The following SLC5A11 variants were observed in gnomAD, a reference collection of about 807,000 sequenced individuals.
SLC5A11 encodes the protein sodium/myo-inositol cotransporter 2.
SLC5A11 carries 48 observed loss-of-function variants against 69.8 expected under a neutral mutation model. That is an observed-to-expected ratio of 0.69 (90% confidence interval 0.55 to 0.87). The LOEUF (loss-of-function observed/expected upper bound fraction) is 0.87, where lower values mean the gene tolerates loss of function less well. SLC5A11 is among the 40% of genes least tolerant of loss of function. The pLI is 0.00. For synonymous variants in SLC5A11, 319 were observed against 342.4 expected (o/e 0.93, Z 0.75); for missense variants, 784 against 866.1 (o/e 0.91, Z 1.19).
At position 24,864,934 on chromosome 16, in the gene SLC5A11, AT is replaced by A. The variant is rs371036512; in HGVS notation, c.207+2264del. Among the ~76,000 whole-genome samples, 43 of 152,284 alleles carry A rather than the reference AT, an allele frequency of 2.8e-4. No individual in the cohort carries two copies. In the South Asian group the frequency reaches 5.0e-3, roughly 18 times the overall value. On this transcript the variant is annotated intron_variant, in intron 3 of 15. Transcript: ENST00000347898. ...AATGAATCTGTGAAATTGAAGATAG[AT>A]TAATTGAGATTATGAAGTCTGAGGA...
intron 4 of SLC5A11, 71 bp from the exon 6 acceptor site, chr16:24,872,089 G>A (rs556693537): frequency 1.0e-4 from 165 of 1,571,570 alleles, no homozygotes; most frequent in Middle Eastern, 6.7e-4. Flanking sequence ...GCCTCAGGGC[G>A]CAGAGGGAAA....
intron 9 of SLC5A11, among the ~76,000 whole-genome samples, chr16:24,891,351 A>G (rs1179142614): frequency 7.6e-6 from 1 of 130,938 alleles, no homozygotes; most frequent in Non-Finnish European, 1.6e-5. Context: ...GTCTCACTCT[A>G]TCACCCAGGC....
At chr16:24,847,926 C>G (rs1297676561) in intron 1 of SLC5A11, among the ~76,000 whole-genome samples, 2 of 152,148 alleles carry the variant, frequency 1.3e-5, no homozygotes, top group Non-Finnish European at 2.9e-5. Flanking sequence ...GCAGTGCAGA[C>G]AAGGGGTAAT....
At chr16:24,901,958 G>GCGCACACACACACACACACACA (rs976595625) in intron 10 of SLC5A11, among the ~76,000 whole-genome samples, 6 of 136,576 alleles carry the variant, frequency 4.4e-5, no homozygotes, top group African/African-American at 1.4e-4. Flanking sequence ...ACACACACAC[G>GCGCACACACACACACACACACA]CACACACACA....
intron 8 of SLC5A11, 80 bp from the exon 10 acceptor site, chr16:24,890,789 C>T: frequency 7.3e-7 from 1 of 1,367,020 alleles, no homozygotes; most frequent in East Asian, 2.3e-5. Context: ...ACTAGAATTT[C>T]ACCAGTCTCC....
At chr16:24,906,635 T>G (rs1401312423) in intron 10 of SLC5A11, 22 bp from the exon 12 acceptor site, 1 of 1,577,022 alleles carries the variant, frequency 6.3e-7, no homozygotes, top group South Asian at 1.2e-5. Flanking sequence ...TGCTCACCTC[T>G]GGGCCTGTGT....
rs1433896386 is a variant in SLC5A11 at position 24,884,191 on chromosome 16, C to T, written c.664+60C>T. 3 of 1,510,532 alleles carry T rather than the reference C, an allele frequency of 2.0e-6. No individual in the cohort carries two copies. The East Asian group carries it at 6.8e-5, about 34-fold the overall frequency. The allele number at this position is 1,510,532 out of a possible 1,614,324, so 93.6% of individuals were successfully genotyped here. On this transcript the variant is annotated intron_variant, in intron 8 of 15. Coordinates refer to ENST00000347898, the Ensembl canonical transcript of SLC5A11. ...CAGCACCTCTCTCCAGCAGGGATAT[C>T]TGCTCTCCACACTGTGAACGGCAAA...
At chr16:24,903,921 T>C (rs754808476) in intron 10 of SLC5A11, among the ~76,000 whole-genome samples, 1 of 152,178 alleles carries the variant, frequency 6.6e-6, no homozygotes, top group African/African-American at 2.4e-5. Flanking sequence ...GACTGGGTAA[T>C]TTATAAAGGA....
rs150862540 is a variant in SLC5A11, at chr16:24,888,064, G to A, written c.665-2805G>A. On this transcript the variant is annotated intron_variant, in intron 8 of 15. Coordinates refer to ENST00000347898, the Ensembl canonical transcript of SLC5A11. Reference sequence around the variant, plus strand: ...ATATAAATTCTACAAATGAATAAGCGTTCTCCTATCATGAATGTATCTTTT... The same window carrying A: ...ATATAAATTCTACAAATGAATAAGCATTCTCCTATCATGAATGTATCTTTT... Among the ~76,000 whole-genome samples the A allele has an allele frequency of 2.1e-3, 325 of 152,124 alleles. 1 individual carries two copies. Among genetic ancestry groups the A allele is most frequent in the African/African-American group, 7.0e-3 (291 of 41,514 alleles).
chr16:24,911,575 T>C, exon 16 of SLC5A11: 3 of 1,578,364 alleles, frequency 1.9e-6, no homozygotes, highest in Non-Finnish European at 2.6e-6. Flanking sequence ...TTCTCTTCAG[T>C]GCTCCATTTT....
At chr16:24,849,753 C>T (rs113981635) in intron 1 of SLC5A11, among the ~76,000 whole-genome samples, 2 of 150,922 alleles carry the variant, frequency 1.3e-5, no homozygotes, top group Admixed American at 6.6e-5. Context: ...AACGCTCTGC[C>T]GGGTCCCCTG....
chr16:24,846,932 G>A (rs898100656), intron 1 of SLC5A11, among the ~76,000 whole-genome samples: 8 of 152,158 alleles, frequency 5.3e-5, no homozygotes, highest in South Asian at 2.1e-4. Context: ...AGAACTTTAC[G>A]CCTGGATCTC....
At chr16:24,870,781 CAA>C (rs57742222) in intron 4 of SLC5A11, among the ~76,000 whole-genome samples, 288 of 66,498 alleles carry the variant, frequency 4.3e-3, no homozygotes, top group East Asian at 0.017. Flanking sequence ...CTCTGTCTCA[CAA>C]AAAAAAAAAA....
chr16:24,867,844 A>T (rs552036714), intron 3 of SLC5A11, among the ~76,000 whole-genome samples: 1 of 152,156 alleles, frequency 6.6e-6, no homozygotes, highest in South Asian at 2.1e-4. Flanking sequence ...TATCTATAAA[A>T]AGTAAAGACA....
intron 10 of SLC5A11, among the ~76,000 whole-genome samples, chr16:24,905,806 G>C (rs1211945531): frequency 5.9e-5 from 9 of 151,770 alleles, no homozygotes; most frequent in African/African-American, 2.2e-4. Context: ...CTAACCTCTG[G>C]GCCTCAGTTT....
At chr16:24,869,702 A>G (rs536794131) in intron 3 of SLC5A11, among the ~76,000 whole-genome samples, 199 bp from the exon 5 acceptor site, 1 of 152,356 alleles carries the variant, frequency 6.6e-6, no homozygotes, top group African/African-American at 2.4e-5. Flanking sequence ...AATTTCTGAC[A>G]GGTGGGCTCT....
chr16:24,862,730 T>C, intron 3 of SLC5A11, 58 bp downstream of exon 4: 2 of 1,503,750 alleles, frequency 1.3e-6, no homozygotes, highest in Non-Finnish European at 1.8e-6. Flanking sequence ...AGTGCTGGGA[T>C]TCTGTCCAGC....
At chr16:24,855,318 G>A (rs2059479384) in intron 1 of SLC5A11, among the ~76,000 whole-genome samples, 2 of 151,886 alleles carry the variant, frequency 1.3e-5, no homozygotes, top group African/African-American at 4.8e-5. Flanking sequence ...AAAGAGGCTT[G>A]AGGCCAGGTG....
chr16:24,854,069 T>C (rs2059424912), intron 1 of SLC5A11, among the ~76,000 whole-genome samples: 1 of 152,076 alleles, frequency 6.6e-6, no homozygotes, highest in Non-Finnish European at 1.5e-5. Context: ...ACGGCGATGA[T>C]GAATAACTTG....
Sources: gnomAD v4.1 joint callset for allele counts (sites outside exome capture counted in the v4.1 genomes callset) on GRCh38, gnomAD v4.1.1 for gene constraint, MANE v1.5 for transcripts, NCBI Gene and HGNC (gene_info 2026-07-23, HGNC 2026-07-21) for gene names.